Variants in CAND2 observed in about 807,000 individuals in gnomAD.
CAND2 encodes the protein cullin-associated NEDD8-dissociated protein 2.
In CAND2, 62 loss-of-function variants were observed where a neutral mutation model predicts 98.9. The observed-to-expected ratio is 0.63, with a 90% CI of 0.51 to 0.77. The LOEUF is 0.77. Ranked by LOEUF, CAND2 falls within the 30% of genes least tolerant of loss-of-function variation. The pLI, the probability that CAND2 is intolerant of heterozygous loss-of-function variation, is 0.00. For missense variants in CAND2, 1,501 were observed against 1,655.2 expected (o/e 0.91, Z 1.62); for synonymous variants, 770 against 731.9 (o/e 1.05, Z -0.84).
Position 12,815,755 on chromosome 3 carries a change from C to T in CAND2, c.1300-112C>T. 9.3e-7 allele frequency: 1 copy of T among 1,070,680 alleles called. No homozygotes were observed. Among genetic ancestry groups the T allele is most frequent in the South Asian group, 1.5e-5 (1 of 66,036 alleles). 66.3% of individuals were successfully genotyped at this position (1,070,680 alleles called of 1,614,324 possible). ...TGAGGGACGAGTGCTTGGGAGATAT[C>T]TTGATGCCGACATCCTCCCTGGGGA... On this transcript the variant is annotated intron_variant, in intron 8 of 14. Transcript: ENST00000456430. The surrounding 1 kb of genome is among the most constrained non-coding windows in gnomAD (Gnocchi z 5.7).
In CAND2 at chr3:12,817,528, C is replaced by T. The variant is rs1432583049; in HGVS notation, c.2596C>T (p.Leu866Phe). The change falls in exon 10 of 15, where the codon CTC becomes TTC. Residue 866 changes from leucine to phenylalanine, a missense_variant. Leu to Phe is a conservative substitution (Grantham distance 22). Coordinates refer to ENST00000456430, the MANE Select transcript of CAND2 (RefSeq NM_001162499.2). ...CCACCAGCGGGAGCTGAAGGCGGTG[C>T]TCCTGGAAGCTTTGGGGTCACCCAG... ...PGHQRELKAV[L>F]LEALGSPSED... is the part of the protein sequence containing the mutation. The T allele has an allele frequency of 4.3e-6, 7 of 1,613,672 alleles. No homozygotes were observed. Among genetic ancestry groups the T allele is most frequent in the East Asian group, 2.2e-5 (1 of 44,894 alleles).
intron 11 of CAND2, among the ~76,000 whole-genome samples, chr3:12,822,560 A>G (rs1277116965): frequency 6.6e-6 from 1 of 151,962 alleles, no homozygotes; most frequent in Admixed American, 6.6e-5. Context: ...TAGCCTCCCA[A>G]AGTGCTGGGA....
At chr3:12,802,927 A>G (rs1208289991) in intron 1 of CAND2, among the ~76,000 whole-genome samples, 2 of 152,036 alleles carry the variant, frequency 1.3e-5, no homozygotes, top group African/African-American at 4.8e-5. Flanking sequence ...GAAAAGGTAC[A>G]GTAAAAATAA....
At position 12,834,157 on chromosome 3, in the gene CAND2, C is replaced by T. The variant is rs759608058; in HGVS notation, c.*175C>T. 1 of 606,182 alleles carries T rather than the reference C, an allele frequency of 1.6e-6. No individual in the cohort carries two copies. Among genetic ancestry groups the T allele is most frequent in the Non-Finnish European group, 2.9e-6 (1 of 342,912 alleles). 37.6% of individuals were successfully genotyped at this position (606,182 alleles called of 1,614,324 possible). On this transcript the variant is annotated 3_prime_UTR_variant, in exon 15 of 15. Coordinates refer to ENST00000456430, the MANE Select transcript of CAND2 (RefSeq NM_001162499.2). ...TTCTCCAGGGACCCAACTCAAAGGC[C>T]CCCAGCCCAAGCTGTGAGGCTGCCA...
Position 12,817,711 on chromosome 3 carries a change from C to G in CAND2, c.2779C>G (p.Pro927Ala). ...SLREALGAAQ[P>A]DSLKPYAEDI... Reference sequence around the variant, plus strand: ...CAGGGAGGCCCTGGGGGCCGCCCAGCCTGACAGCCTGAAGCCCTACGCCGA... The same window carrying G: ...CAGGGAGGCCCTGGGGGCCGCCCAGGCTGACAGCCTGAAGCCCTACGCCGA... The change falls in exon 10 of 15, where the codon CCT becomes GCT. Residue 927 changes from proline (P) to alanine (A), a missense_variant. Pro to Ala is a conservative substitution (Grantham distance 27). Around this residue, in one of 3 missense-constraint regions of CAND2, gnomAD observed 1,427 missense variants for 1,545.3 expected, o/e 0.92. Coordinates refer to ENST00000456430, the MANE Select transcript of CAND2 (RefSeq NM_001162499.2). 6 of 1,594,838 alleles carry G rather than the reference C, an allele frequency of 3.8e-6. No homozygotes were observed. Among genetic ancestry groups the G allele is most frequent in the Non-Finnish European group, 4.3e-6 (5 of 1,170,194 alleles).
In CAND2 at chr3:12,832,330, C is replaced by T. The variant is rs1187116645; in HGVS notation, c.3483+758C>T. On this transcript the variant is annotated intron_variant, in intron 14 of 14. Coordinates refer to ENST00000456430, the MANE Select transcript of CAND2 (RefSeq NM_001162499.2). Reference sequence around the variant, plus strand: ...GAGTCCATCCAAAAAAACACTTCTACAGGGCCAGGCCAGTTTTGACAGTCT... The same window carrying T: ...GAGTCCATCCAAAAAAACACTTCTATAGGGCCAGGCCAGTTTTGACAGTCT... The T allele has an allele frequency of 2.0e-5, 3 of 152,314 alleles. No individual in the cohort carries two copies. In the East Asian group the frequency reaches 5.8e-4, roughly 29 times the overall value. 9.4% of individuals were successfully genotyped at this position (152,314 alleles called of 1,614,324 possible).
chr3:12,819,478 C>T (rs776576563), intron 10 of CAND2, among the ~76,000 whole-genome samples: 9 of 152,186 alleles, frequency 5.9e-5, no homozygotes, highest in Non-Finnish European at 1.0e-4. Context: ...CTTTACTGGG[C>T]TTCTCTACTC....
rs1329152867 is a variant in CAND2 at position 12,829,970 on chromosome 3, C to G, written c.3376-1495C>G. On this transcript the variant is annotated intron_variant, in intron 13 of 14. Transcript: ENST00000456430. ...TTACAGACAATGCTGCTGTGAACAC[C>G]CTGGTGCATTACTGTGACCCACGGT... Among the ~76,000 whole-genome samples the G allele has an allele frequency of 2.6e-5, 4 of 152,132 alleles. No homozygotes were observed. The East Asian group carries it at 7.7e-4, about 29-fold the overall frequency.
intron 1 of CAND2, among the ~76,000 whole-genome samples, chr3:12,799,596 T>TCTCTCA (rs1209701901): frequency 6.6e-6 from 1 of 152,120 alleles, no homozygotes; most frequent in Non-Finnish European, 1.5e-5. Context: ...AAGGGCTAGC[T>TCTCTCA]CTCTCACTAC....
intron 2 of CAND2, among the ~76,000 whole-genome samples, chr3:12,806,058 C>T (rs564477906): frequency 5.9e-5 from 9 of 152,196 alleles, no homozygotes; most frequent in Admixed American, 4.6e-4. Context: ...GTTTGAAAAC[C>T]ATGGTGCACA....
At chr3:12,800,724 T>G (rs4642101) in intron 1 of CAND2, among the ~76,000 whole-genome samples, 94,691 of 152,000 alleles carry the variant, frequency 0.62, 30,482 homozygotes, top group African/African-American at 0.72. Context: ...GTTTTGTTTT[T>G]GTTTTTGTTT....
intron 11 of CAND2, among the ~76,000 whole-genome samples, chr3:12,822,946 CTT>C (rs1415129566): frequency 6.0e-5 from 9 of 150,548 alleles, no homozygotes; most frequent in South Asian, 4.2e-4. Context: ...CTCCCTCTCT[CTT>C]CTTTCTCTTC....
chr3:12,819,834 A>G (rs1313503585), intron 10 of CAND2, among the ~76,000 whole-genome samples: 1 of 152,088 alleles, frequency 6.6e-6, no homozygotes, highest in Non-Finnish European at 1.5e-5. Flanking sequence ...TGTCTTGGTT[A>G]TTGGTTCCCT....
Position 12,827,589 on chromosome 3 carries a change from C to T in CAND2, c.3360C>T (p.Asp1120=), listed in dbSNP as rs749422628. Residue 1120 remains aspartate (D), a synonymous_variant, in exon 13 of 15, where the codon GAC becomes GAT. Transcript: ENST00000456430. The part of the protein sequence containing the change: ...FLNHVEDGLK[D]HYDIRMLTFI... The stretch of plus-strand genomic sequence containing the variant: ...ACCATGTGGAGGACGGGCTGAAGGA[C>T]CACTACGACATCCGGGTAAGACCAA... The T allele has an allele frequency of 5.6e-6, 9 of 1,611,612 alleles. No individual in the cohort carries two copies. Among genetic ancestry groups the T allele is most frequent in the Non-Finnish European group, 7.6e-6 (9 of 1,178,674 alleles).
chr3:12,810,912 C>T (rs1012856116), intron 5 of CAND2, among the ~76,000 whole-genome samples: 1 of 152,252 alleles, frequency 6.6e-6, no homozygotes, highest in African/African-American at 2.4e-5. Flanking sequence ...CAGTCCAGCT[C>T]TCTGCCTTGT....
chr3:12,809,967 AAGG>A, intron 4 of CAND2, 89 bp from the exon 5 acceptor site: 1 of 1,352,356 alleles, frequency 7.4e-7, no homozygotes, highest in Non-Finnish European at 9.6e-7. Context: ...TAATCCTGGG[AAGG>A]AGGCCGGGAG....
Position 12,820,030 on chromosome 3 carries a change from T to C in CAND2, c.2945-56T>C, listed in dbSNP as rs2061943659. On this transcript the variant is annotated intron_variant, in intron 10 of 14. Coordinates refer to ENST00000456430, the MANE Select transcript of CAND2 (RefSeq NM_001162499.2). The stretch of plus-strand genomic sequence containing the variant: ...AGGAGCCTAAGCACCTTCTGATCTG[T>C]GAGCCTCCAGGATTGGCCCCTGCCC... The C allele has an allele frequency of 4.2e-6, 6 of 1,412,570 alleles. No homozygotes were observed. The East Asian group carries it at 6.8e-5, about 16-fold the overall frequency. 87.5% of individuals were successfully genotyped at this position (1,412,570 alleles called of 1,614,324 possible).
At chr3:12,810,027 C>T (rs1559549900) in intron 4 of CAND2, 32 bp from the exon 5 acceptor site, 1 of 1,384,900 alleles carries the variant, frequency 7.2e-7, no homozygotes, top group Non-Finnish European at 9.3e-7. Flanking sequence ...CCGCGGAGTG[C>T]GATCGGCCTG....
rs1163616848 is a variant in CAND2 at position 12,808,192 on chromosome 3, A to G, written c.368-18A>G. On this transcript the variant is annotated intron_variant, in intron 3 of 14. Coordinates refer to ENST00000456430, the MANE Select transcript of CAND2 (RefSeq NM_001162499.2). ...CCCAGGCCAGGGCCTCACTGTGCCC[A>G]CCTTGTGCCCTGTGCAGGCTCCGGG... The G allele has an allele frequency of 6.4e-7, 1 of 1,550,506 alleles. No individual in the cohort carries two copies. The highest frequency in any genetic ancestry group is 1.2e-5 in the South Asian group (1 of 83,976).
Sources: gnomAD v4.1 joint callset for allele counts (sites outside exome capture counted in the v4.1 genomes callset) on GRCh38, gnomAD v4.1.1 for gene constraint, gnomAD v4.1.1 regional missense constraint, Gnocchi (gnomAD v3.1) non-coding constraint, MANE v1.5 for transcripts, NCBI Gene and HGNC (gene_info 2026-07-23, HGNC 2026-07-21) for gene names.